The following ENTREP2 variants were observed in gnomAD, a reference collection of about 807,000 sequenced individuals.
ENTREP2 encodes endosomal transmembrane epsin interactor 2, also known as protein ENTREP2.
the ENTREP2 span, among the ~76,000 whole-genome samples, chr15:29,636,178 G>C: frequency 1.3e-5 from 2 of 152,184 alleles, no homozygotes; most frequent in African/African-American, 4.8e-5. Context: ...AGCTCTTCAC[G>C]GGGATGGAAA....
At chr15:29,378,964 T>C in the ENTREP2 span, among the ~76,000 whole-genome samples, 1 of 152,232 alleles carries the variant, frequency 6.6e-6, no homozygotes, top group African/African-American at 2.4e-5. Context: ...ATGGTCATGA[T>C]TCAGAGAGTG....
the ENTREP2 span, among the ~76,000 whole-genome samples, chr15:29,552,170 C>G: frequency 6.6e-6 from 1 of 152,096 alleles, no homozygotes; most frequent in Non-Finnish European, 1.5e-5. Context: ...ATTCATAAAC[C>G]TAGAAACAGA....
At chr15:29,189,812 C>A in the ENTREP2 span, among the ~76,000 whole-genome samples, 1 of 152,100 alleles carries the variant, frequency 6.6e-6, no homozygotes, top group Non-Finnish European at 1.5e-5. Flanking sequence ...GCAAAAATGG[C>A]CATCAATCTA....
chr15:29,311,696 A>C, the ENTREP2 span, among the ~76,000 whole-genome samples: 4,106 of 151,738 alleles, frequency 0.027, 82 homozygotes, highest in Middle Eastern at 0.065. Context: ...TCCCCCCCCC[A>C]AAAAAAAGTA....
the ENTREP2 span, chr15:29,137,156 G>T: frequency 6.7e-7 from 1 of 1,481,932 alleles, no homozygotes; most frequent in Non-Finnish European, 8.9e-7. Context: ...GAGGAGTCAC[G>T]CAGGTGGGGT....
chr15:29,515,673 G>A, the ENTREP2 span, among the ~76,000 whole-genome samples: 1 of 152,154 alleles, frequency 6.6e-6, no homozygotes. Flanking sequence ...CTAATCTACT[G>A]AACTAAAAGA....
At chr15:29,188,594 CT>C in the ENTREP2 span, among the ~76,000 whole-genome samples, 1 of 152,116 alleles carries the variant, frequency 6.6e-6, no homozygotes, top group African/African-American at 2.4e-5. Context: ...TGAACTCATT[CT>C]TTTTTTATGG....
At chr15:29,423,474 T>G in the ENTREP2 span, among the ~76,000 whole-genome samples, 1 of 152,068 alleles carries the variant, frequency 6.6e-6, no homozygotes, top group Admixed American at 6.5e-5. Context: ...AATGTATTCA[T>G]ACCTAGATTT....
At chr15:29,457,915 C>T in the ENTREP2 span, among the ~76,000 whole-genome samples, 20 of 152,266 alleles carry the variant, frequency 1.3e-4, no homozygotes, top group South Asian at 4.2e-4. Flanking sequence ...TCCTCACACC[C>T]GAACCAAGAG....
chr15:29,281,965 G>T, the ENTREP2 span, among the ~76,000 whole-genome samples: 8 of 152,238 alleles, frequency 5.3e-5, no homozygotes, highest in Non-Finnish European at 1.2e-4. Flanking sequence ...AAGGCAAAGA[G>T]ATATTTCAAT....
chr15:29,528,218 G>C, the ENTREP2 span, among the ~76,000 whole-genome samples: 15 of 152,106 alleles, frequency 9.9e-5, no homozygotes, highest in Admixed American at 7.2e-4. Context: ...CTTGATATTG[G>C]GTGGTCCGTA....
At chr15:29,593,668 C>G in the ENTREP2 span, among the ~76,000 whole-genome samples, 1 of 152,220 alleles carries the variant, frequency 6.6e-6, no homozygotes, top group Non-Finnish European at 1.5e-5. Context: ...CTCCTCCAAT[C>G]TACTTTATGC....
At chr15:29,564,103 T>G in the ENTREP2 span, among the ~76,000 whole-genome samples, 1 of 152,160 alleles carries the variant, frequency 6.6e-6, no homozygotes, top group Non-Finnish European at 1.5e-5. Flanking sequence ...AAGTTCCCAA[T>G]AGATCAGGAA....
the ENTREP2 span, among the ~76,000 whole-genome samples, chr15:29,617,578 A>G: frequency 1.3e-5 from 2 of 152,230 alleles, no homozygotes; most frequent in Admixed American, 1.3e-4. Context: ...TGCGATATTA[A>G]GAAACATGAT....
chr15:29,414,956 T>A, the ENTREP2 span, among the ~76,000 whole-genome samples: 1 of 152,020 alleles, frequency 6.6e-6, no homozygotes, highest in Non-Finnish European at 1.5e-5. Context: ...CAGGAAGAAG[T>A]TGAATCTCTG....
the ENTREP2 span, among the ~76,000 whole-genome samples, chr15:29,251,632 A>G: frequency 1.3e-5 from 2 of 152,182 alleles, no homozygotes; most frequent in African/African-American, 2.4e-5. Context: ...GGAAGCCAAA[A>G]GACTGAATAC....
chr15:29,390,453 A>G, the ENTREP2 span, among the ~76,000 whole-genome samples: 1 of 152,222 alleles, frequency 6.6e-6, no homozygotes, highest in African/African-American at 2.4e-5. Flanking sequence ...TGGAAAAGGC[A>G]TGATATTGCT....
the ENTREP2 span, among the ~76,000 whole-genome samples, chr15:29,248,965 A>G: frequency 6.6e-6 from 1 of 152,254 alleles, no homozygotes. Flanking sequence ...ATATGGTTAA[A>G]TAAACAATGT....
the ENTREP2 span, among the ~76,000 whole-genome samples, chr15:29,286,069 C>G: frequency 2.3e-3 from 353 of 152,286 alleles, 1 homozygote; most frequent in Middle Eastern, 0.027. Flanking sequence ...ACAATCACTA[C>G]AACAACTTCC....
Sources: allele counts gnomAD v4.1 joint callset (sites outside exome capture counted in the v4.1 genomes callset), GRCh38; gene constraint gnomAD v4.1.1; transcripts MANE v1.5; gene names NCBI Gene and HGNC (gene_info 2026-07-23, HGNC 2026-07-21).